The following TOGARAM1 variants were observed in gnomAD, a reference collection of about 807,000 sequenced individuals.
The protein encoded by TOGARAM1 is TOG array regulator of axonemal microtubules protein 1.
Under a neutral mutation model 166.6 loss-of-function variants are expected in TOGARAM1, and 100 were observed. The ratio of observed to expected loss-of-function variants is 0.60; its 90% CI spans 0.51 to 0.71. TOGARAM1 has a LOEUF of 0.71. TOGARAM1 is among the 30% of genes least tolerant of loss of function. TOGARAM1 has a pLI of 0.00. For synonymous variants in TOGARAM1, 758 were observed against 763.8 expected, an observed-to-expected ratio of 0.99 and a Z score of 0.13; for missense variants, 2,029 against 2,102.7, an observed-to-expected ratio of 0.96 and a Z score of 0.69.
intron 1 of TOGARAM1, among the ~76,000 whole-genome samples, chr14:44,989,516 G>C (rs1226709510): frequency 6.6e-6 from 1 of 151,742 alleles, no homozygotes; most frequent in Non-Finnish European, 1.5e-5. Flanking sequence ...GTTTTGGAAG[G>C]AGAAGAGTAA....
At chr14:45,052,676 A>G in intron 15 of TOGARAM1, 114 bp downstream of exon 15, 1 of 926,726 alleles carries the variant, frequency 1.1e-6, no homozygotes. Flanking sequence ...AATCATTTGG[A>G]CTATTGGACT....
chr14:45,008,848 A>T, intron 5 of TOGARAM1, 65 bp from the exon 6 acceptor site: 2 of 1,338,662 alleles, frequency 1.5e-6, no homozygotes, highest in Non-Finnish European at 1.0e-6. Context: ...TTTAAAATTT[A>T]AGGATAACTT....
intron 1 of TOGARAM1, among the ~76,000 whole-genome samples, chr14:44,980,292 C>A (rs2138754194): frequency 1.3e-5 from 2 of 152,258 alleles, no homozygotes; most frequent in East Asian, 3.9e-4. Flanking sequence ...GAAAAAAAAT[C>A]ATGAATATTT....
chr14:44,987,164 G>T (rs898143698), intron 1 of TOGARAM1, among the ~76,000 whole-genome samples: 3 of 151,622 alleles, frequency 2.0e-5, no homozygotes, highest in Non-Finnish European at 4.4e-5. Context: ...GGATGGTCTC[G>T]ATCTGACCTC....
At chr14:45,041,260 C>A (rs182116788) in intron 11 of TOGARAM1, among the ~76,000 whole-genome samples, 3 of 151,266 alleles carry the variant, frequency 2.0e-5, no homozygotes, top group African/African-American at 7.3e-5. Flanking sequence ...AATTAGCCGG[C>A]CATGGTGGCA....
chr14:45,040,191 T>G (rs1881654898), intron 11 of TOGARAM1, among the ~76,000 whole-genome samples: 1 of 152,214 alleles, frequency 6.6e-6, no homozygotes, highest in Admixed American at 6.5e-5. Context: ...AGTAACACAC[T>G]TATATGTGTA....
intron 6 of TOGARAM1, 197 bp from the exon 7 acceptor site, chr14:45,011,778 A>T (rs865976650): frequency 1.5e-4 from 60 of 402,226 alleles, no homozygotes; most frequent in African/African-American, 1.3e-3. Flanking sequence ...AGAATAGCAA[A>T]ATATATATGT....
chr14:45,027,217 C>A, intron 8 of TOGARAM1, 82 bp from the exon 9 acceptor site: 1 of 1,385,964 alleles, frequency 7.2e-7, no homozygotes, highest in Non-Finnish European at 1.0e-6. Context: ...TTCTTGAAGG[C>A]AAGAGCCTTG....
Position 45,071,808 on chromosome 14 carries a change from T to G in TOGARAM1, c.5056+10T>G. On this transcript the variant is annotated intron_variant, in intron 19 of 19. Coordinates refer to ENST00000361462, the MANE Select transcript of TOGARAM1 (RefSeq NM_001308120.2). Reference sequence around the variant, plus strand: ...ACGGAAAAGCTTGCTGGTAAATACTTTGTAATTTCTAAAGAAATATTTTAT... The same window carrying G: ...ACGGAAAAGCTTGCTGGTAAATACTGTGTAATTTCTAAAGAAATATTTTAT... The G allele has an allele frequency of 6.3e-7, 1 of 1,584,980 alleles. No individual in the cohort carries two copies. Among genetic ancestry groups the G allele is most frequent in the Non-Finnish European group, 8.6e-7 (1 of 1,164,882 alleles).
chr14:45,043,577 C>T (rs891989649), intron 11 of TOGARAM1, 109 bp from the exon 12 acceptor site: 1 of 711,612 alleles, frequency 1.4e-6, no homozygotes, highest in African/African-American at 1.8e-5. Context: ...TCTCACCTTT[C>T]TGAACCTCTT....
At chr14:44,966,125 A>G (rs1885523121) in intron 1 of TOGARAM1, among the ~76,000 whole-genome samples, 1 of 150,108 alleles carries the variant, frequency 6.7e-6, no homozygotes, top group African/African-American at 2.4e-5. Context: ...TCGGCATCCC[A>G]AAGTGCTGGG....
intron 3 of TOGARAM1, among the ~76,000 whole-genome samples, chr14:45,001,706 T>A (rs1423618913): frequency 6.6e-6 from 1 of 152,194 alleles, no homozygotes; most frequent in Non-Finnish European, 1.5e-5. Flanking sequence ...TCATTGAAAA[T>A]AACATTATCC....
At chr14:45,035,726 C>CA in intron 11 of TOGARAM1, among the ~76,000 whole-genome samples, 1 of 151,540 alleles carries the variant, frequency 6.6e-6, no homozygotes, top group Non-Finnish European at 1.5e-5. Context: ...CACTGCAAAC[C>CA]AAAAAACAGT....
chr14:45,046,790 T>C, intron 14 of TOGARAM1, 87 bp downstream of exon 14: 1 of 1,123,658 alleles, frequency 8.9e-7, no homozygotes, highest in Non-Finnish European at 1.1e-6. Context: ...AGAATGAACA[T>C]TTTCTAAATG....
intron 7 of TOGARAM1, among the ~76,000 whole-genome samples, chr14:45,024,547 T>G (rs979487089): frequency 2.0e-5 from 3 of 152,216 alleles, no homozygotes; most frequent in African/African-American, 7.2e-5. Flanking sequence ...TTTTATATTT[T>G]TTTGATGAGA....
At chr14:45,036,903 G>A (rs532420282) in intron 11 of TOGARAM1, among the ~76,000 whole-genome samples, 50 of 152,348 alleles carry the variant, frequency 3.3e-4, no homozygotes, top group African/African-American at 1.1e-3. Context: ...CATGACTGGG[G>A]AGGCCTCAGA....
rs1887587715 is a variant in TOGARAM1 at position 44,999,406 on chromosome 14, A to G, written c.2247A>G (p.Ala749=). The part of the protein sequence containing the change: ...THQTNLSGKC[A]QLGFSQICGK... ...AAACAAATCTTTCTGGGAAATGTGC[A>G]CAACTTGGATTTTCACAAATATGTG... Residue 749 remains alanine (A), a synonymous_variant, in exon 3 of 20, where the codon GCA becomes GCG. Coordinates refer to ENST00000361462, the MANE Select transcript of TOGARAM1 (RefSeq NM_001308120.2). 2 of 1,610,776 alleles carry G rather than the reference A, an allele frequency of 1.2e-6. No homozygotes were observed. Among genetic ancestry groups the G allele is most frequent in the Non-Finnish European group, 1.7e-6 (2 of 1,178,008 alleles).
At position 44,991,274 on chromosome 14, in the gene TOGARAM1, G is replaced by T. The variant is rs1214766975; in HGVS notation, c.2047-4472G>T. Among the ~76,000 whole-genome samples the T allele has an allele frequency of 3.4e-5, 5 of 148,056 alleles. No individual in the cohort carries two copies. The East Asian group carries it at 7.9e-4, about 23-fold the overall frequency. ...CACTCAGCCTTAGTTTTTTGTTTTTGTTTTTTTTTTATTTTAGCTATGTAG... is the reference window on the plus strand; with the variant it reads ...CACTCAGCCTTAGTTTTTTGTTTTTTTTTTTTTTTTATTTTAGCTATGTAG... On this transcript the variant is annotated intron_variant, in intron 1 of 19. Coordinates refer to ENST00000361462, the MANE Select transcript of TOGARAM1 (RefSeq NM_001308120.2).
intron 13 of TOGARAM1, among the ~76,000 whole-genome samples, chr14:45,045,310 C>T (rs1212887422): frequency 6.6e-6 from 1 of 151,136 alleles, no homozygotes; most frequent in African/African-American, 2.4e-5. Flanking sequence ...ATCCCTCGCC[C>T]CCCTCCTGCT....
Sources: allele counts gnomAD v4.1 joint callset (sites outside exome capture counted in the v4.1 genomes callset), GRCh38; gene constraint gnomAD v4.1.1; transcripts MANE v1.5; gene names NCBI Gene and HGNC (gene_info 2026-07-23, HGNC 2026-07-21).